STIMATE: variants seen among roughly 807,000 people sequenced by gnomAD.
STIMATE encodes the protein store-operated calcium entry regulator STIMATE.
In STIMATE, 15 loss-of-function variants were observed where a neutral mutation model predicts 36.7. The observed-to-expected ratio is 0.41, with a 90% CI of 0.27 to 0.63. The LOEUF (loss-of-function observed/expected upper bound fraction) is 0.63, where lower values mean the gene tolerates loss of function less well. Among genes scored for constraint, STIMATE ranks in the 20% least tolerant of loss-of-function variants. The probability of loss-of-function intolerance (pLI) is 0.32; values close to 1 mark genes in which losing one functional copy is unlikely to be tolerated. For synonymous variants in STIMATE, 163 were observed against 162.3 expected (o/e 1.00, Z -0.03); for missense variants, 305 against 397.3 (o/e 0.77, Z 1.98).
Position 52,844,864 on chromosome 3 carries a change from C to T in STIMATE, c.505G>A (p.Val169Ile), listed in dbSNP as rs371461131. ...TGAAGTATTAGGAGGACGATGAAGA[C>T]GACAGACTTTTCAAAAATCATGATC... The part of the protein sequence containing the change: ...IVIMIFEKSV[V>I]FIVLLILQWK... Residue 169 changes from valine (V) to isoleucine (I), a missense_variant, in exon 5 of 8, where the codon GTC (valine) becomes ATC (isoleucine). Physicochemically the swap from Val to Ile is conservative, Grantham distance 29 (BLOSUM62 3). Coordinates refer to ENST00000355083, the MANE Select transcript of STIMATE (RefSeq NM_198563.5). 35 of 1,614,110 alleles carry T rather than the reference C, an allele frequency of 2.2e-5. No homozygotes were observed. The South Asian group carries it at 2.7e-4, about 13-fold the overall frequency.
Position 52,885,935 on chromosome 3 carries a change from T to C in STIMATE, c.160+11356A>G, listed in dbSNP as rs141706637. On this transcript the variant is annotated intron_variant, in intron 1 of 7. Transcript: ENST00000355083. ...TTGCTTTATATATTTTGGCCTGTTT[T>C]CTGGTTGCTTACAGAAGATGGGCAA... is the stretch of plus-strand genomic sequence containing the variant. Among the ~76,000 whole-genome samples the C allele has an allele frequency of 7.5e-4, 114 of 152,352 alleles. 2 individuals are homozygous for C. The East Asian group carries it at 0.016, about 21-fold the overall frequency.
intron 1 of STIMATE, among the ~76,000 whole-genome samples, chr3:52,893,043 AT>A (rs1256102421): frequency 4.1e-5 from 6 of 144,936 alleles, no homozygotes; most frequent in Non-Finnish European, 1.5e-5. Context: ...AGCCAGAAAC[AT>A]TGAAAAAAAA....
chr3:52,877,642 A>G (rs548869844), intron 1 of STIMATE, among the ~76,000 whole-genome samples: 51 of 152,262 alleles, frequency 3.3e-4, no homozygotes, highest in African/African-American at 1.2e-3. Flanking sequence ...CCCAATTCTA[A>G]TAACTGATGA....
chr3:52,878,902 C>T (rs1227121986), intron 1 of STIMATE, among the ~76,000 whole-genome samples: 1 of 152,172 alleles, frequency 6.6e-6, no homozygotes, highest in Admixed American at 6.5e-5. Flanking sequence ...GATGAGCAGT[C>T]TACTGAGAGG....
At chr3:52,868,970 A>C (rs1044281530) in intron 1 of STIMATE, among the ~76,000 whole-genome samples, 2 of 152,168 alleles carry the variant, frequency 1.3e-5, no homozygotes, top group Non-Finnish European at 2.9e-5. Flanking sequence ...ACAACCCGGC[A>C]AAGTATCATC....
chr3:52,855,922 CG>C (rs2106674805), intron 1 of STIMATE, among the ~76,000 whole-genome samples: 1 of 152,308 alleles, frequency 6.6e-6, no homozygotes, highest in East Asian at 1.9e-4. Flanking sequence ...CGGTGTGACA[CG>C]TGCTAGAGAA....
chr3:52,894,950 A>G (rs1046803444), intron 1 of STIMATE, among the ~76,000 whole-genome samples: 2 of 152,266 alleles, frequency 1.3e-5, no homozygotes, highest in Admixed American at 1.3e-4. Context: ...GGAAGGATGG[A>G]GTGGCCTCAC....
chr3:52,846,844 A>C lies in STIMATE; in HGVS notation c.428-1903T>G, dbSNP rs573697844. 2.0e-4 allele frequency among the ~76,000 whole-genome samples: 30 copies of C among 152,042 alleles called. 1 individual carries two copies. The highest frequency in any genetic ancestry group is 4.1e-4 in the South Asian group (2 of 4,824). ...CTTGCGAGTCTTTCAGATGTCCCCC[A>C]CAGTCTCCTCTTTAAAGGACAGACA... On this transcript the variant is annotated intron_variant, in intron 4 of 7. Transcript: ENST00000355083.
chr3:52,852,512 G>C lies in STIMATE; in HGVS notation c.305+91C>G. On this transcript the variant is annotated intron_variant, in intron 3 of 7. Transcript: ENST00000355083. ...AGGGGAGCACCCTCTCCCCAAGCCA[G>C]AGGGAGCAGGACCAGCAGCAGAAAG... 3.3e-6 allele frequency: 5 copies of C among 1,525,720 alleles called. No individual in the cohort carries two copies. In the Admixed American group the frequency reaches 5.3e-5, roughly 16 times the overall value. 94.5% of individuals were successfully genotyped at this position (1,525,720 alleles called of 1,614,324 possible). A position where few individuals can be genotyped will look rare whatever the true frequency, so the allele number is the denominator to read the frequency against.
intron 1 of STIMATE, among the ~76,000 whole-genome samples, chr3:52,870,340 T>C (rs2106701229): frequency 6.6e-6 from 1 of 152,178 alleles, no homozygotes; most frequent in African/African-American, 2.4e-5. Context: ...TGTCACCATC[T>C]GAAAACAACC....
intron 1 of STIMATE, among the ~76,000 whole-genome samples, chr3:52,895,566 C>T (rs779822658): frequency 6.6e-6 from 1 of 152,226 alleles, no homozygotes; most frequent in Non-Finnish European, 1.5e-5. Context: ...CATGTGCTCA[C>T]GCTGAAGATT....
chr3:52,888,075 G>A (rs1701723383), intron 1 of STIMATE, among the ~76,000 whole-genome samples: 2 of 128,112 alleles, frequency 1.6e-5, no homozygotes, highest in South Asian at 2.6e-4. Context: ...TAAAGCCAGG[G>A]CTCTTGACAG....
chr3:52,874,193 G>T (rs554384140), intron 1 of STIMATE, among the ~76,000 whole-genome samples: 1 of 152,308 alleles, frequency 6.6e-6, no homozygotes, highest in African/African-American at 2.4e-5. Context: ...TTGATCATAT[G>T]TGATTATGCA....
rs984197217 is a variant in STIMATE at position 52,851,917 on chromosome 3, C to A, written c.305+686G>T. Among the ~76,000 whole-genome samples, 4 of 152,318 alleles carry A rather than the reference C, an allele frequency of 2.6e-5. No homozygotes were observed. In the South Asian group the frequency reaches 6.2e-4, roughly 24 times the overall value. On this transcript the variant is annotated intron_variant, in intron 3 of 7. Coordinates refer to ENST00000355083, the MANE Select transcript of STIMATE (RefSeq NM_198563.5). ...CGGTGTGAACTTACAGTATATATAA[C>A]CTCTCTGTGCCTCAGTTCCACCACT...
At position 52,837,697 on chromosome 3, in the gene STIMATE, T is replaced by C. The variant is rs1309689121; in HGVS notation, c.*2797A>G. ...CTTGCAAGGTTCCACCACAGGTGGC[T>C]TGGCTGAGGTCCAGATTTGGACAAA... On this transcript the variant is annotated 3_prime_UTR_variant, in exon 8 of 8. Transcript: ENST00000355083. The C allele has an allele frequency of 6.6e-6, 1 of 152,274 alleles. No homozygotes were observed. Among genetic ancestry groups the C allele is most frequent in the Non-Finnish European group, 1.5e-5 (1 of 68,050 alleles). 9.4% of individuals were successfully genotyped at this position (152,274 alleles called of 1,614,324 possible).
At position 52,839,810 on chromosome 3, in the gene STIMATE, T is replaced by C. The variant is rs143522481; in HGVS notation, c.*684A>G. 1 of 152,654 alleles carries C rather than the reference T, an allele frequency of 6.6e-6. No individual in the cohort carries two copies. The highest frequency in any genetic ancestry group is 1.9e-4 in the East Asian group (1 of 5,192). 9.5% of individuals were successfully genotyped at this position (152,654 alleles called of 1,614,324 possible). A position where few individuals can be genotyped will look rare whatever the true frequency, so the allele number is the denominator to read the frequency against. ...ATGAAAGGCAAATAAACCCATTTCTTTGGGGACTAAAAAGAGTTTTTAAAT... is the reference window on the plus strand; with the variant it reads ...ATGAAAGGCAAATAAACCCATTTCTCTGGGGACTAAAAAGAGTTTTTAAAT... On this transcript the variant is annotated 3_prime_UTR_variant, in exon 8 of 8. Coordinates refer to ENST00000355083, the MANE Select transcript of STIMATE (RefSeq NM_198563.5).
intron 1 of STIMATE, among the ~76,000 whole-genome samples, chr3:52,866,960 GCTCC>G (rs1701323759): frequency 6.6e-6 from 1 of 152,236 alleles, no homozygotes; most frequent in South Asian, 2.1e-4. Flanking sequence ...AATGTGGTGG[GCTCC>G]TGTCAGGTGC....
At chr3:52,874,695 T>C (rs1457867999) in intron 1 of STIMATE, among the ~76,000 whole-genome samples, 6 of 152,048 alleles carry the variant, frequency 3.9e-5, no homozygotes, top group Non-Finnish European at 7.4e-5. Context: ...ACCCAGTCTC[T>C]ACTGAAAATA....
At chr3:52,862,951 T>C (rs116425035) in intron 1 of STIMATE, among the ~76,000 whole-genome samples, 5,584 of 152,224 alleles carry the variant, frequency 0.037, 342 homozygotes, top group South Asian at 0.2. Context: ...TGCAGCCACA[T>C]GCCAAGGAAT....
Sources: allele counts gnomAD v4.1 joint callset (sites outside exome capture counted in the v4.1 genomes callset), GRCh38; gene constraint gnomAD v4.1.1; transcripts MANE v1.5; gene names NCBI Gene and HGNC (gene_info 2026-07-23, HGNC 2026-07-21).